The following CFAP44 variants were observed in gnomAD, a reference collection of about 807,000 sequenced individuals.
CFAP44 encodes cilia- and flagella-associated protein 44.
CFAP44 carries 134 observed loss-of-function variants against 216.2 expected under a neutral mutation model. That is an observed-to-expected ratio of 0.62 (90% CI 0.54 to 0.72). CFAP44 has a LOEUF of 0.72. CFAP44 is among the 30% of genes least tolerant of loss of function. The pLI is 0.00. For missense variants in CFAP44, 2,035 were observed against 2,182.1 expected, an observed-to-expected ratio of 0.93 and a Z score of 1.34; for synonymous variants, 700 against 727.6, an observed-to-expected ratio of 0.96 and a Z score of 0.61.
intron 22 of CFAP44, among the ~76,000 whole-genome samples, chr3:113,349,924 G>T (rs1950426635): frequency 6.6e-6 from 1 of 152,238 alleles, no homozygotes; most frequent in South Asian, 2.1e-4. Flanking sequence ...GTAATTGGGA[G>T]ACTTTGTTAC....
At chr3:113,361,865 T>TA (rs543024022) in intron 21 of CFAP44, among the ~76,000 whole-genome samples, 20 of 150,484 alleles carry the variant, frequency 1.3e-4, no homozygotes, top group Non-Finnish European at 1.6e-4. Flanking sequence ...AATTTTTTTT[T>TA]ACCAGAAAAC....
intron 23 of CFAP44, among the ~76,000 whole-genome samples, chr3:113,343,059 CTT>C (rs397990837): frequency 0.27 from 28,626 of 106,302 alleles, 2,506 homozygotes; most frequent in East Asian, 0.37. Flanking sequence ...TTCTTTCTTT[CTT>C]TTTTTTTTTT....
At chr3:113,376,386 G>C (rs1202294562) in intron 17 of CFAP44, among the ~76,000 whole-genome samples, 1 of 152,170 alleles carries the variant, frequency 6.6e-6, no homozygotes, top group Non-Finnish European at 1.5e-5. Context: ...ATAAATATTT[G>C]AGATTCACTG....
intron 9 of CFAP44, among the ~76,000 whole-genome samples, chr3:113,402,126 C>G (rs541485935): frequency 2.0e-5 from 3 of 152,328 alleles, no homozygotes; most frequent in Non-Finnish European, 2.9e-5. Flanking sequence ...TACATACCAG[C>G]AGGCCCCTGG....
chr3:113,401,523 T>C (rs1445383037), intron 10 of CFAP44, 61 bp downstream of exon 10: 8 of 1,582,216 alleles, frequency 5.1e-6, no homozygotes, highest in Non-Finnish European at 6.0e-6. Flanking sequence ...TCAATCATAC[T>C]ACTACTTTAA....
At chr3:113,312,809 G>C (rs1008191174) in intron 28 of CFAP44, among the ~76,000 whole-genome samples, 3 of 152,176 alleles carry the variant, frequency 2.0e-5, no homozygotes, top group Non-Finnish European at 4.4e-5. Flanking sequence ...TCCACATAGT[G>C]TTGAACCTGT....
Position 113,301,722 on chromosome 3 carries a change from T to C in CFAP44, c.5077+2194A>G, listed in dbSNP as rs115896038. On this transcript the variant is annotated intron_variant, in intron 32 of 34. Coordinates refer to ENST00000393845, the MANE Select transcript of CFAP44 (RefSeq NM_001164496.2). The stretch of plus-strand genomic sequence containing the variant: ...ACACATTGTGGAATGGCTAGATTGA[T>C]AGATTGAGCTAATTAACTTAAGCAT... Among the ~76,000 whole-genome samples, 1,454 of 152,302 alleles carry C rather than the reference T, an allele frequency of 9.5e-3. 24 individuals carry two copies. The highest frequency in any genetic ancestry group is 0.033 in the African/African-American group (1,355 of 41,568).
intron 22 of CFAP44, among the ~76,000 whole-genome samples, chr3:113,357,353 A>C (rs1255286565): frequency 6.6e-6 from 1 of 152,196 alleles, no homozygotes; most frequent in African/African-American, 2.4e-5. Context: ...AGCAGGCCTT[A>C]ATGAAACATG....
At chr3:113,304,654 A>G (rs1403271052) in intron 31 of CFAP44, among the ~76,000 whole-genome samples, 1 of 152,238 alleles carries the variant, frequency 6.6e-6, no homozygotes, top group Admixed American at 6.5e-5. Context: ...CTCACCAATG[A>G]GTAGAGACTA....
intron 15 of CFAP44, among the ~76,000 whole-genome samples, chr3:113,382,415 G>C (rs958709966): frequency 6.6e-6 from 1 of 152,186 alleles, no homozygotes; most frequent in Non-Finnish European, 1.5e-5. Flanking sequence ...AGTCAGGTAA[G>C]AGCACATAAA....
Position 113,418,642 on chromosome 3 carries a change from G to A in CFAP44, c.570+1375C>T, listed in dbSNP as rs7626507. ...CCAGCACACATGAAGAAAAGGCCTT[G>A]TGGACATAAAACTGCTCAACATCCA... is the stretch of plus-strand genomic sequence containing the variant. On this transcript the variant is annotated intron_variant, in intron 5 of 34. Coordinates refer to ENST00000393845, the MANE Select transcript of CFAP44 (RefSeq NM_001164496.2). Among the ~76,000 whole-genome samples, 1,305 of 152,270 alleles carry A rather than the reference G, an allele frequency of 8.6e-3. 17 individuals are homozygous for A. The highest frequency in any genetic ancestry group is 0.021 in the African/African-American group (882 of 41,552).
chr3:113,303,222 A>G (rs1030120774), intron 32 of CFAP44, among the ~76,000 whole-genome samples: 1 of 152,216 alleles, frequency 6.6e-6, no homozygotes, highest in Non-Finnish European at 1.5e-5. Flanking sequence ...TAACCCAGAG[A>G]CCCAGTACTA....
At chr3:113,333,338 G>T in intron 25 of CFAP44, 68 bp downstream of exon 25, 1 of 1,382,100 alleles carries the variant, frequency 7.2e-7, no homozygotes, top group Non-Finnish European at 9.8e-7. Context: ...GAAATGAGTG[G>T]TTTTAGCAGA....
intron 21 of CFAP44, among the ~76,000 whole-genome samples, chr3:113,362,058 A>C (rs1576570229): frequency 6.6e-6 from 1 of 151,634 alleles, no homozygotes; most frequent in African/African-American, 2.4e-5. Flanking sequence ...TATGTTTTTC[A>C]CTAGGCATAG....
intron 18 of CFAP44, among the ~76,000 whole-genome samples, chr3:113,371,520 T>C (rs1933163657): frequency 6.6e-6 from 1 of 152,210 alleles, no homozygotes; most frequent in Non-Finnish European, 1.5e-5. Flanking sequence ...GAAAACTGGC[T>C]AGCCATATGT....
chr3:113,344,199 G>T (rs940258430), intron 23 of CFAP44, among the ~76,000 whole-genome samples: 6 of 151,954 alleles, frequency 3.9e-5, no homozygotes, highest in Admixed American at 1.3e-4. Flanking sequence ...GCTAGATGTG[G>T]CAAGTAAGAA....
At chr3:113,419,772 A>G (rs976582991) in intron 5 of CFAP44, among the ~76,000 whole-genome samples, 1 of 152,200 alleles carries the variant, frequency 6.6e-6, no homozygotes, top group Non-Finnish European at 1.5e-5. Flanking sequence ...TAACCTCTAT[A>G]AGCCCATTTC....
chr3:113,421,761 C>A (rs887077037), intron 4 of CFAP44, among the ~76,000 whole-genome samples: 1 of 149,090 alleles, frequency 6.7e-6, no homozygotes, highest in African/African-American at 2.5e-5. Flanking sequence ...TGCATGTTCT[C>A]ACTTATAAGT....
chr3:113,287,109 AGGCT>A lies in CFAP44; in HGVS notation c.*4444_*4447del. The A allele has an allele frequency of 1.9e-6, 1 of 516,708 alleles. No individual in the cohort carries two copies. The highest frequency in any genetic ancestry group is 1.5e-5 in the South Asian group (1 of 64,874). The allele number at this position is 516,708 out of a possible 1,614,324, so 32.0% of individuals were successfully genotyped here. On this transcript the variant is annotated 3_prime_UTR_variant, in exon 35 of 35. Coordinates refer to ENST00000393845, the MANE Select transcript of CFAP44 (RefSeq NM_001164496.2). Reference sequence around the variant, plus strand: ...GGAGTCACCCAGGAAAGCACCGCACAGGCTGGCGCGGGACAGACTCCTAACCTGG... The same window carrying A: ...GGAGTCACCCAGGAAAGCACCGCACAGGCGCGGGACAGACTCCTAACCTGG...
Sources: gnomAD v4.1 joint callset for allele counts (sites outside exome capture counted in the v4.1 genomes callset) on GRCh38, gnomAD v4.1.1 for gene constraint, MANE v1.5 for transcripts, NCBI Gene and HGNC (gene_info 2026-07-23, HGNC 2026-07-21) for gene names.